The following ANKRD11 variants were observed in gnomAD, a reference collection of about 807,000 sequenced individuals.
ANKRD11 encodes the protein ankyrin repeat domain 11, also known as ankyrin repeat domain-containing protein 11.
Under a neutral mutation model 195.7 loss-of-function variants are expected in ANKRD11, and 17 were observed. That is an observed-to-expected ratio of 0.09 (90% CI 0.06 to 0.13). The LOEUF (loss-of-function observed/expected upper bound fraction) is 0.13, where lower values mean the gene tolerates loss of function less well. Among genes scored for constraint, ANKRD11 ranks in the 10% least tolerant of loss-of-function variants. The pLI is 1.00. For synonymous variants in ANKRD11, 1,953 were observed against 1,528.1 expected (o/e 1.28, Z -6.49); for missense variants, 3,735 against 3,566.1 (o/e 1.05, Z -1.21).
intron 2 of ANKRD11, among the ~76,000 whole-genome samples, chr16:89,411,151 C>A (rs1392001535): frequency 3.3e-5 from 5 of 152,260 alleles, no homozygotes; most frequent in Non-Finnish European, 7.3e-5. Context: ...GGGCTCGGGC[C>A]CACGCTGGCT....
rs189656772 is a variant in ANKRD11 at position 89,282,086 on chromosome 16, G to A, written c.4456C>T (p.Arg1486Trp). ...HRDRHADGLL[R>W]HHRDELLRHH... ...CGCAGGAGCTCGTCCCTGTGATGCC[G>A]CAGCAGCCCATCCGCATGCCTGTCC... The change falls in exon 9 of 13, where the codon CGG (arginine) becomes TGG (tryptophan). Residue 1486 changes from arginine to tryptophan, a missense_variant. Transcript: ENST00000301030. 3.3e-5 allele frequency: 53 copies of A among 1,613,680 alleles called. No individual in the cohort carries two copies. The highest frequency in any genetic ancestry group is 4.2e-5 in the Non-Finnish European group (50 of 1,179,914).
chr16:89,415,954 C>G (rs1297822700), intron 2 of ANKRD11, among the ~76,000 whole-genome samples: 1 of 151,970 alleles, frequency 6.6e-6, no homozygotes, highest in African/African-American at 2.4e-5. Flanking sequence ...TCAGCAGGGC[C>G]TCTCTGTAGC....
intron 2 of ANKRD11, among the ~76,000 whole-genome samples, chr16:89,328,350 T>C (rs534462940): frequency 1.7e-4 from 26 of 152,350 alleles, no homozygotes; most frequent in African/African-American, 6.3e-4. Context: ...AGGACATTTA[T>C]CTGAGAAAAT....
Position 89,281,480 on chromosome 16 carries a change from CCTCTTT to C in ANKRD11, c.5056_5061del (p.Lys1686_Glu1687del). The C allele has an allele frequency of 6.2e-7, 1 of 1,614,152 alleles. No individual in the cohort carries two copies. Among genetic ancestry groups the C allele is most frequent in the Non-Finnish European group, 8.5e-7 (1 of 1,180,020 alleles). On this transcript the variant is annotated inframe_deletion, in exon 9 of 13. Coordinates refer to ENST00000301030, the MANE Select transcript of ANKRD11 (RefSeq NM_013275.6). This position sits in a 1 kb window ranked among gnomAD's most constrained non-coding sequence, Gnocchi z 5.5. ...TCAGGCCTGGGGGACGCAGGCAGGA[CCTCTTT>C]CATGTGAGGGCCTGCCAGCCAGTCT...
chr16:89,471,516 G>C (rs2057083677), intron 1 of ANKRD11, among the ~76,000 whole-genome samples: 1 of 152,128 alleles, frequency 6.6e-6, no homozygotes, highest in African/African-American at 2.4e-5. Context: ...TTCATGACCA[G>C]GTGTGGTGCC....
At chr16:89,450,180 C>T (rs1369694703) in intron 1 of ANKRD11, among the ~76,000 whole-genome samples, 1 of 152,202 alleles carries the variant, frequency 6.6e-6, no homozygotes, top group Non-Finnish European at 1.5e-5. Flanking sequence ...TTCCTCTTAA[C>T]CTCCATACCC....
At chr16:89,393,430 T>TGGA (rs2041287400) in intron 2 of ANKRD11, among the ~76,000 whole-genome samples, 2 of 150,968 alleles carry the variant, frequency 1.3e-5, no homozygotes, top group Non-Finnish European at 2.9e-5. Context: ...TTCAAGCAAT[T>TGGA]CTCCCACCTC....
chr16:89,325,467 TCTCA>T (rs1246903954), intron 2 of ANKRD11, among the ~76,000 whole-genome samples: 485 of 140,536 alleles, frequency 3.5e-3, no homozygotes, highest in African/African-American at 0.012. Flanking sequence ...TCTCTCTCTC[TCTCA>T]CACACACACA....
intron 2 of ANKRD11, among the ~76,000 whole-genome samples, chr16:89,414,075 G>C (rs2042203137): frequency 6.6e-6 from 1 of 152,172 alleles, no homozygotes; most frequent in Non-Finnish European, 1.5e-5. Flanking sequence ...GATGCCACAG[G>C]CACAGCTGCT....
chr16:89,289,007 G>C, intron 6 of ANKRD11: 1 of 405,632 alleles, frequency 2.5e-6, no homozygotes, highest in Non-Finnish European at 4.6e-6. Context: ...ATCTGGAGGC[G>C]TATGTGCCTT....
chr16:89,295,769 G>A (rs527477153), intron 4 of ANKRD11, among the ~76,000 whole-genome samples: 1 of 150,792 alleles, frequency 6.6e-6, no homozygotes, highest in South Asian at 2.1e-4. Context: ...GCCCTGTGCT[G>A]GTGGGATCGG....
At chr16:89,382,337 T>TA (rs200805935) in intron 2 of ANKRD11, among the ~76,000 whole-genome samples, 47,801 of 149,546 alleles carry the variant, frequency 0.32, 9,084 homozygotes, top group Middle Eastern at 0.5. Flanking sequence ...ATATATATAT[T>TA]TTTTTAAAGA....
At chr16:89,317,135 A>C (rs2037008467) in intron 2 of ANKRD11, 57 bp from the exon 3 acceptor site, 2 of 1,124,660 alleles carry the variant, frequency 1.8e-6, no homozygotes, top group Non-Finnish European at 1.3e-6. Flanking sequence ...AAACTCATCC[A>C]CTCTCACACC....
At chr16:89,475,087 T>C (rs2057212453) in intron 1 of ANKRD11, among the ~76,000 whole-genome samples, 1 of 152,134 alleles carries the variant, frequency 6.6e-6, no homozygotes, top group South Asian at 2.1e-4. Flanking sequence ...CTGGCATCTG[T>C]TGTTCAGTCA....
At chr16:89,306,592 C>T (rs866465622) in intron 3 of ANKRD11, among the ~76,000 whole-genome samples, 2 of 90,686 alleles carry the variant, frequency 2.2e-5, no homozygotes, top group South Asian at 4.6e-4. Context: ...TCCGCAGACA[C>T]GCGCCACCTC....
intron 2 of ANKRD11, among the ~76,000 whole-genome samples, chr16:89,336,204 G>T (rs563960881): frequency 3.9e-5 from 6 of 152,354 alleles, no homozygotes; most frequent in African/African-American, 1.4e-4. Context: ...GTCCTTGTGG[G>T]CTACTCAAGA....
chr16:89,284,572 A>C lies in ANKRD11; in HGVS notation c.1970T>G (p.Phe657Cys). 2 of 1,614,108 alleles carry C rather than the reference A, an allele frequency of 1.2e-6. No homozygotes were observed. Among genetic ancestry groups the C allele is most frequent in the Non-Finnish European group, 1.7e-6 (2 of 1,180,036 alleles). The change falls in exon 9 of 13, where the codon TTT becomes TGT. Residue 657 changes from phenylalanine to cysteine, a missense_variant. By Grantham distance (205) the Phe-to-Cys change is radical. Coordinates refer to ENST00000301030, the MANE Select transcript of ANKRD11 (RefSeq NM_013275.6). ...CTTGGAGTCCTCATATTCGTAAGTA[A>C]AACTTTTCAACTTCAGCTCTTGGCT... ...SISQELKLKS[F>C]TYEYEDSKQK...
chr16:89,404,086 C>T (rs2041812696), intron 2 of ANKRD11, among the ~76,000 whole-genome samples: 1 of 152,226 alleles, frequency 6.6e-6, no homozygotes. Flanking sequence ...CGCTGCATCA[C>T]ATAAGCTGCT....
At chr16:89,342,798 A>C (rs559663666) in intron 2 of ANKRD11, among the ~76,000 whole-genome samples, 17 of 152,356 alleles carry the variant, frequency 1.1e-4, no homozygotes, top group Non-Finnish European at 2.2e-4. Context: ...AAACATGAAA[A>C]ACATTATTAC....
Sources: gnomAD v4.1 joint callset for allele counts (sites outside exome capture counted in the v4.1 genomes callset) on GRCh38, gnomAD v4.1.1 for gene constraint, Gnocchi (gnomAD v3.1) non-coding constraint, MANE v1.5 for transcripts, NCBI Gene and HGNC (gene_info 2026-07-23, HGNC 2026-07-21) for gene names.